Variants in HECTD4 observed in about 807,000 individuals in gnomAD.
HECTD4 encodes probable E3 ubiquitin-protein ligase HECTD4.
A neutral mutation model predicts 471.5 loss-of-function variants in HECTD4; 114 were observed. The observed-to-expected ratio is 0.24, with a 90% CI of 0.21 to 0.28. The LOEUF (loss-of-function observed/expected upper bound fraction) is 0.28. Among genes scored for constraint, HECTD4 ranks in the 10% least tolerant of loss-of-function variants. The probability of loss-of-function intolerance (pLI) is 1.00; values close to 1 mark genes in which losing one functional copy is unlikely to be tolerated. For synonymous variants in HECTD4, 2,012 were observed against 2,256.0 expected (o/e 0.89, Z 3.07); for missense variants, 3,866 against 5,651.5 (o/e 0.68, Z 10.13).
intron 3 of HECTD4, among the ~76,000 whole-genome samples, chr12:112,313,903 T>C (rs750276446): frequency 8.5e-5 from 13 of 152,234 alleles, no homozygotes; most frequent in Non-Finnish European, 1.5e-4. Context: ...GAGTGGGTTA[T>C]GAATTAGGAA....
chr12:112,185,561 A>C, intron 60 of HECTD4, 68 bp from the exon 61 acceptor site: 15 of 1,225,986 alleles, frequency 1.2e-5, no homozygotes, highest in Non-Finnish European at 1.7e-5. Flanking sequence ...CGCAGTTCTG[A>C]GCCTGGAATC....
In HECTD4 at chr12:112,381,848, C is replaced by A. The variant is rs1043441656; in HGVS notation, c.177+104G>T. The A allele has an allele frequency of 1.2e-6, 1 of 833,112 alleles. No individual in the cohort carries two copies. Among genetic ancestry groups the A allele is most frequent in the Non-Finnish European group, 1.6e-6 (1 of 631,492 alleles). 51.6% of individuals were successfully genotyped at this position (833,112 alleles called of 1,614,324 possible). On this transcript the variant is annotated intron_variant, in intron 1 of 75. Coordinates refer to ENST00000682272, the MANE Select transcript of HECTD4 (RefSeq NM_001388303.1). The surrounding 1 kb of genome is among the most constrained non-coding windows in gnomAD (Gnocchi z 4.1). ...GCCCACACACACCTGCCCCGGCAGCCGCCGGGAGGCGAGGCCGCGGCTGAG... is the reference window on the plus strand; with the variant it reads ...GCCCACACACACCTGCCCCGGCAGCAGCCGGGAGGCGAGGCCGCGGCTGAG...
intron 7 of HECTD4, among the ~76,000 whole-genome samples, chr12:112,292,489 T>G (rs1249128451): frequency 6.6e-6 from 1 of 152,200 alleles, no homozygotes; most frequent in Non-Finnish European, 1.5e-5. Context: ...GTAAGCTCCA[T>G]GAGGACAGAG....
rs1205229577 is a variant in HECTD4 at position 112,169,614 on chromosome 12, T to C, written c.12097A>G (p.Arg4033Gly). 6.2e-7 allele frequency: 1 copy of C among 1,613,616 alleles called. No individual in the cohort carries two copies. Among genetic ancestry groups the C allele is most frequent in the Non-Finnish European group, 8.5e-7 (1 of 1,179,896 alleles). The change falls in exon 70 of 76, where the codon AGG (arginine) becomes GGG (glycine). Residue 4033 changes from arginine to glycine, a missense_variant. By Grantham distance (125) the Arg-to-Gly change is moderately radical. Transcript: ENST00000682272. ...GACGACGGCACTGAGGCCAGCTGCC[T>C]GGCAGCCTGACAGAAGTAGGAGTTT... ...SENSYFCQAA[R>G]QLASVPSSQL...
intron 40 of HECTD4, 110 bp downstream of exon 40, chr12:112,230,577 T>G: frequency 7.5e-7 from 1 of 1,333,918 alleles, no homozygotes; most frequent in Non-Finnish European, 1.0e-6. Context: ...AACAGGTATC[T>G]GATGAATTTG....
Position 112,193,010 on chromosome 12 carries a change from C to A in HECTD4, c.9086+51G>T. ...TTCCTTGGCCAGTTTCACCAGAATT[C>A]ATTTAGCTTTCCTCTCCCCATCACC... is the stretch of plus-strand genomic sequence containing the variant. On this transcript the variant is annotated intron_variant, in intron 58 of 75. Coordinates refer to ENST00000682272, the MANE Select transcript of HECTD4 (RefSeq NM_001388303.1). This position sits in a 1 kb window ranked among gnomAD's most constrained non-coding sequence, Gnocchi z 5.2. 6.2e-7 allele frequency: 1 copy of A among 1,601,986 alleles called. No individual in the cohort carries two copies.
At chr12:112,324,081 T>C (rs1028405014) in intron 1 of HECTD4, among the ~76,000 whole-genome samples, 1 of 82,280 alleles carries the variant, frequency 1.2e-5, no homozygotes, top group Non-Finnish European at 2.0e-5. Context: ...TTTCTTTCTT[T>C]CTTTCTTTCT....
At chr12:112,356,068 G>A (rs1468133773) in intron 1 of HECTD4, among the ~76,000 whole-genome samples, 1 of 152,102 alleles carries the variant, frequency 6.6e-6, no homozygotes, top group African/African-American at 2.4e-5. Flanking sequence ...TCCTTAAATT[G>A]AGAGTGGCAA....
In HECTD4 at chr12:112,183,112, T is replaced by A. The variant is rs2031737376; in HGVS notation, c.10934A>T (p.Asp3645Val). Residue 3645 changes from aspartate (D) to valine (V), a missense_variant, in exon 62 of 76, where the codon GAT (aspartate) becomes GTT (valine). This residue lies in a region of HECTD4 where 715 missense variants were observed against 1,087.6 expected (regional missense o/e 0.66). Transcript: ENST00000682272. ...TVSVVNQSLF[D>V]TQGSPGLEDY... The stretch of plus-strand genomic sequence containing the variant: ...TTCTAACCCTGGGCTCCCTTGAGTA[T>A]CAAAGAGACTCTGATTTACTACAGA... The A allele has an allele frequency of 6.2e-7, 1 of 1,613,634 alleles. No homozygotes were observed. The highest frequency in any genetic ancestry group is 8.5e-7 in the Non-Finnish European group (1 of 1,179,672).
chr12:112,279,147 T>G, intron 9 of HECTD4, 81 bp downstream of exon 9: 1 of 1,275,666 alleles, frequency 7.8e-7, no homozygotes. Context: ...ACAAAGTAAG[T>G]TTTAAATAAT....
At chr12:112,214,712 CCT>C (rs201750299) in intron 48 of HECTD4, among the ~76,000 whole-genome samples, 4,236 of 152,290 alleles carry the variant, frequency 0.028, 80 homozygotes, top group Non-Finnish European at 0.045. Context: ...CCACCCACCC[CCT>C]GACATACACC....
rs80217554 is a variant in HECTD4 at position 112,293,699 on chromosome 12, G to C, written c.1336-10397C>G. 0.056 allele frequency among the ~76,000 whole-genome samples: 8,478 copies of C among 152,226 alleles called. 1,295 individuals are homozygous for C. In the East Asian group the frequency reaches 0.61, roughly 11 times the overall value. ...ACATGCACTTGTTTGTATGTGCTCC[G>C]TCCGTGGAAGGATGTAGAAGAAAAT... On this transcript the variant is annotated intron_variant, in intron 7 of 75. Transcript: ENST00000682272.
intron 15 of HECTD4, 75 bp from the exon 16 acceptor site, chr12:112,265,370 G>T (rs1379601513): frequency 3.1e-6 from 3 of 963,960 alleles, no homozygotes; most frequent in African/African-American, 1.7e-5. Context: ...TATATAATTA[G>T]TATAAGATGA....
Position 112,193,797 on chromosome 12 carries a change from G to C in HECTD4, c.8750-123C>G. 1 of 802,422 alleles carries C rather than the reference G, an allele frequency of 1.2e-6. No homozygotes were observed. Among genetic ancestry groups the C allele is most frequent in the East Asian group, 2.7e-5 (1 of 37,446 alleles). The allele number at this position is 802,422 out of a possible 1,614,324, so 49.7% of individuals were successfully genotyped here. A position where few individuals can be genotyped will look rare whatever the true frequency, so the allele number is the denominator to read the frequency against. On this transcript the variant is annotated intron_variant, in intron 56 of 75. Transcript: ENST00000682272. This position sits in a 1 kb window ranked among gnomAD's most constrained non-coding sequence, Gnocchi z 5.2. ...CAGATGGGAGGGTTATCCTGGATAT[G>C]ATGTCCTGGATAACAGATGCCGGCA...
In HECTD4 at chr12:112,193,011, A is replaced by G; in HGVS notation, c.9086+50T>C. The G allele has an allele frequency of 1.2e-6, 2 of 1,603,154 alleles. No homozygotes were observed. Among genetic ancestry groups the G allele is most frequent in the Non-Finnish European group, 1.7e-6 (2 of 1,173,558 alleles). On this transcript the variant is annotated intron_variant, in intron 58 of 75. Transcript: ENST00000682272. The surrounding 1 kb of genome is among the most constrained non-coding windows in gnomAD (Gnocchi z 5.2). The stretch of plus-strand genomic sequence containing the variant: ...TCCTTGGCCAGTTTCACCAGAATTC[A>G]TTTAGCTTTCCTCTCCCCATCACCA...
At chr12:112,374,172 A>T (rs2036735844) in intron 1 of HECTD4, among the ~76,000 whole-genome samples, 1 of 152,056 alleles carries the variant, frequency 6.6e-6, no homozygotes, top group African/African-American at 2.4e-5. Context: ...CTCCATCTCT[A>T]TAAAACATTA....
At chr12:112,214,289 G>A (rs1186480531) in intron 48 of HECTD4, among the ~76,000 whole-genome samples, 9 of 152,160 alleles carry the variant, frequency 5.9e-5, no homozygotes, top group African/African-American at 1.9e-4. Flanking sequence ...AGCACGTGTG[G>A]CCTTATAATT....
rs1272580359 is a variant in HECTD4, at chr12:112,164,162, G to A, written c.12648C>T (p.Thr4216=). 6.2e-7 allele frequency: 1 copy of A among 1,613,400 alleles called. No homozygotes were observed. Among genetic ancestry groups the A allele is most frequent in the Non-Finnish European group, 8.5e-7 (1 of 1,179,844 alleles). ...NKPCCRFTYL[T]MTGEEVELCS... ...ACAGCTCCACCTCCTCGCCCGTCATGGTCAGGTAGGTGAACCTGCAGCAGG... is the reference window on the plus strand; with the variant it reads ...ACAGCTCCACCTCCTCGCCCGTCATAGTCAGGTAGGTGAACCTGCAGCAGG... The change falls in exon 73 of 76, where the codon ACC becomes ACT. Residue 4216 remains threonine, a synonymous_variant. Coordinates refer to ENST00000682272, the MANE Select transcript of HECTD4 (RefSeq NM_001388303.1).
At chr12:112,167,205 G>T in intron 72 of HECTD4, 112 bp downstream of exon 72, 1 of 936,814 alleles carries the variant, frequency 1.1e-6, no homozygotes, top group Non-Finnish European at 1.6e-6. Flanking sequence ...AAGGTCCTCT[G>T]TGGGATCCCA....
Sources: gnomAD v4.1 joint callset for allele counts (sites outside exome capture counted in the v4.1 genomes callset) on GRCh38, gnomAD v4.1.1 for gene constraint, gnomAD v4.1.1 regional missense constraint, Gnocchi (gnomAD v3.1) non-coding constraint, MANE v1.5 for transcripts, NCBI Gene and HGNC (gene_info 2026-07-23, HGNC 2026-07-21) for gene names.